WDR25: variants seen among roughly 807,000 people sequenced by gnomAD.
The protein encoded by WDR25 is WD repeat-containing protein 25.
A neutral mutation model predicts 47.7 loss-of-function variants in WDR25; 35 were observed. The observed-to-expected ratio is 0.73, with a 90% CI of 0.56 to 0.97. The LOEUF is 0.97. Ranked by LOEUF, WDR25 falls within the 50% of genes least tolerant of loss-of-function variation. WDR25 has a pLI of 0.00. For synonymous variants in WDR25, 248 were observed against 278.9 expected, an observed-to-expected ratio of 0.89 and a Z score of 1.10; for missense variants, 634 against 704.7, an observed-to-expected ratio of 0.90 and a Z score of 1.14.
chr14:100,439,222 T>G (rs1320733511), intron 2 of WDR25, among the ~76,000 whole-genome samples: 1 of 152,238 alleles, frequency 6.6e-6, no homozygotes, highest in East Asian at 1.9e-4. Context: ...CACCTGGCAC[T>G]TGGTGGGCAC....
chr14:100,468,902 C>T lies in WDR25; in HGVS notation c.970+734C>T, dbSNP rs1441248030. On this transcript the variant is annotated intron_variant, in intron 3 of 6. Transcript: ENST00000402312. This position sits in a 1 kb window ranked among gnomAD's most constrained non-coding sequence, Gnocchi z 4.5. ...TCTTTCTCCTTTCCCCTCCCCTCCC[C>T]TTTTCTTTCCTTTCCTTTCCCTCTA... Among the ~76,000 whole-genome samples, 1 of 152,008 alleles carries T rather than the reference C, an allele frequency of 6.6e-6. No homozygotes were observed. The highest frequency in any genetic ancestry group is 1.5e-5 in the Non-Finnish European group (1 of 67,974).
Position 100,529,914 on chromosome 14 carries a change from G to T in WDR25, c.1508G>T (p.Arg503Leu). ...ADGRVLMYSFRTASRACTLQG... is the reference protein window; with the variant it reads ...ADGRVLMYSFLTASRACTLQG... ...GGCCGGGTCCTGATGTACAGCTTCC[G>T]CACAGCCAGCCGAGCATGCACACTG... Residue 503 changes from arginine to leucine, a missense_variant, in exon 7 of 7, where the codon CGC (arginine) becomes CTC (leucine). Coordinates refer to ENST00000402312, the MANE Select transcript of WDR25 (RefSeq NM_001161476.3). This position sits in a 1 kb window ranked among gnomAD's most constrained non-coding sequence, Gnocchi z 5.1. 6.2e-7 allele frequency: 1 copy of T among 1,613,390 alleles called. No homozygotes were observed. The highest frequency in any genetic ancestry group is 1.1e-5 in the South Asian group (1 of 91,076).
intron 2 of WDR25, chr14:100,454,514 G>C: frequency 8.6e-7 from 1 of 1,168,752 alleles, no homozygotes; most frequent in East Asian, 5.7e-5. Flanking sequence ...ACTATAAACT[G>C]TACAACAGCA....
In WDR25 at chr14:100,506,866, C is replaced by G. The variant is rs151160567; in HGVS notation, c.1102-19004C>G. ...ATATTTCTCCTATTCTGTAGGTTGT[C>G]TGTTTACTCTCTGGATAGTTTATTT... On this transcript the variant is annotated intron_variant, in intron 4 of 6. Transcript: ENST00000402312. The surrounding 1 kb of genome is among the most constrained non-coding windows in gnomAD (Gnocchi z 4.8). Among the ~76,000 whole-genome samples, 120 of 152,250 alleles carry G rather than the reference C, an allele frequency of 7.9e-4. No homozygotes were observed. Among genetic ancestry groups the G allele is most frequent in the African/African-American group, 2.7e-3 (113 of 41,542 alleles).
At chr14:100,385,566 T>C (rs955707079) in intron 2 of WDR25, among the ~76,000 whole-genome samples, 1 of 152,244 alleles carries the variant, frequency 6.6e-6, no homozygotes, top group African/African-American at 2.4e-5. Context: ...TATTTTAATA[T>C]GTTCTAAATG....
chr14:100,492,315 C>T (rs1900592870), intron 4 of WDR25, among the ~76,000 whole-genome samples: 1 of 152,152 alleles, frequency 6.6e-6, no homozygotes, highest in Non-Finnish European at 1.5e-5. Flanking sequence ...AGAGACCTGC[C>T]CTGCAACCCA....
chr14:100,475,794 AATAAATT>A (rs1899996845), intron 3 of WDR25, among the ~76,000 whole-genome samples: 1 of 152,186 alleles, frequency 6.6e-6, no homozygotes, highest in Non-Finnish European at 1.5e-5. Flanking sequence ...GTCCACAAAA[AATAAATT>A]AGTGAGGTGA....
rs751490654 is a variant in WDR25 at position 100,428,817 on chromosome 14, A to G, written c.823-39204A>G. Among the ~76,000 whole-genome samples, 1 of 152,186 alleles carries G rather than the reference A, an allele frequency of 6.6e-6. No individual in the cohort carries two copies. Among genetic ancestry groups the G allele is most frequent in the Non-Finnish European group, 1.5e-5 (1 of 68,044 alleles). ...GTTGCACATTCATATTTAAAATCTC[A>G]TATGAATTAATTTCATGAAATTGGT... On this transcript the variant is annotated intron_variant, in intron 2 of 6. Coordinates refer to ENST00000402312, the MANE Select transcript of WDR25 (RefSeq NM_001161476.3). The surrounding 1 kb of genome is among the most constrained non-coding windows in gnomAD (Gnocchi z 4.3).
At chr14:100,514,190 C>G (rs929606260) in intron 4 of WDR25, among the ~76,000 whole-genome samples, 1 of 152,148 alleles carries the variant, frequency 6.6e-6, no homozygotes, top group Non-Finnish European at 1.5e-5. Context: ...CCCGCCTCGG[C>G]CTCCCAAAGT....
At chr14:100,501,055 G>A (rs1014644183) in intron 4 of WDR25, among the ~76,000 whole-genome samples, 1 of 152,094 alleles carries the variant, frequency 6.6e-6, no homozygotes, top group Non-Finnish European at 1.5e-5. Flanking sequence ...TGTGTGCACC[G>A]GGCGACCTGG....
At chr14:100,464,756 ATCTCATCTCATCTCATCTCATC>A in intron 2 of WDR25, among the ~76,000 whole-genome samples, 1 of 30,696 alleles carries the variant, frequency 3.3e-5, no homozygotes, top group Admixed American at 3.7e-4. Flanking sequence ...ATCTCATCTC[ATCTCATCTCATCTCATCTCATC>A]TCATCTCATC....
At chr14:100,477,046 A>G (rs1900042088) in intron 3 of WDR25, among the ~76,000 whole-genome samples, 1 of 152,206 alleles carries the variant, frequency 6.6e-6, no homozygotes, top group Admixed American at 6.5e-5. Context: ...TTCTATGTTA[A>G]CTAAGAACTT....
intron 2 of WDR25, 114 bp from the exon 3 acceptor site, chr14:100,467,907 A>AAT: frequency 7.5e-7 from 1 of 1,339,482 alleles, no homozygotes; most frequent in South Asian, 1.3e-5. Flanking sequence ...TTGATGGTAA[A>AAT]ATAATGAGAA....
intron 2 of WDR25, among the ~76,000 whole-genome samples, chr14:100,456,047 G>C (rs1899194083): frequency 6.6e-6 from 1 of 152,194 alleles, no homozygotes; most frequent in Admixed American, 6.5e-5. Flanking sequence ...GTCAACTCAT[G>C]ATTCTGTATC....
At chr14:100,456,501 A>C (rs887587335) in intron 2 of WDR25, among the ~76,000 whole-genome samples, 1 of 152,230 alleles carries the variant, frequency 6.6e-6, no homozygotes, top group Non-Finnish European at 1.5e-5. Context: ...AACATATTAC[A>C]TATGTGCAAA....
Position 100,529,704 on chromosome 14 carries a change from C to A in WDR25, c.1414-116C>A. 8.3e-7 allele frequency: 1 copy of A among 1,208,362 alleles called. No individual in the cohort carries two copies. Among genetic ancestry groups the A allele is most frequent in the Non-Finnish European group, 1.1e-6 (1 of 873,116 alleles). 74.9% of individuals were successfully genotyped at this position (1,208,362 alleles called of 1,614,324 possible). ...GCTTTGGCCTCAGGGACACGAGGTG[C>A]GAAGCCCAGCTCTGCTCCGTCAGCT... On this transcript the variant is annotated intron_variant, in intron 6 of 6. Transcript: ENST00000402312. This position sits in a 1 kb window ranked among gnomAD's most constrained non-coding sequence, Gnocchi z 5.1.
At chr14:100,417,481 C>T (rs1897901447) in intron 2 of WDR25, among the ~76,000 whole-genome samples, 1 of 152,230 alleles carries the variant, frequency 6.6e-6, no homozygotes, top group African/African-American at 2.4e-5. Context: ...CCCCACCATC[C>T]TGTTAAGACC....
Position 100,464,345 on chromosome 14 carries a change from C to G in WDR25, c.823-3676C>G, listed in dbSNP as rs889776925. Among the ~76,000 whole-genome samples the G allele has an allele frequency of 2.0e-5, 3 of 152,174 alleles. No individual in the cohort carries two copies. In the South Asian group the frequency reaches 6.2e-4, roughly 31 times the overall value. ...AGCCCCTTCCCTTGACCTTATAGAG[C>G]CCTTTCCTGGTTACTTTTTAATACT... On this transcript the variant is annotated intron_variant, in intron 2 of 6. Transcript: ENST00000402312.
At chr14:100,510,572 C>G (rs1226948783) in intron 4 of WDR25, among the ~76,000 whole-genome samples, 1 of 151,666 alleles carries the variant, frequency 6.6e-6, no homozygotes, top group Non-Finnish European at 1.5e-5. Context: ...CCCGTCTCTA[C>G]TAAAAATACA....
Sources: allele counts gnomAD v4.1 joint callset (sites outside exome capture counted in the v4.1 genomes callset), GRCh38; gene constraint gnomAD v4.1.1; non-coding constraint Gnocchi (gnomAD v3.1); transcripts MANE v1.5; gene names NCBI Gene and HGNC (gene_info 2026-07-23, HGNC 2026-07-21).